Variants in SPDYE4 observed in about 807,000 individuals in gnomAD.
The protein encoded by SPDYE4 is speedy protein E4.
In SPDYE4, 30 loss-of-function variants were observed where a neutral mutation model predicts 37.5. The ratio of observed to expected loss-of-function variants is 0.80; its 90% CI spans 0.60 to 1.09. The LOEUF is 1.09. Among genes scored for constraint, SPDYE4 ranks in the 50% least tolerant of loss-of-function variants. SPDYE4 has a pLI of 0.00. For synonymous variants in SPDYE4, 131 were observed against 120.3 expected, an observed-to-expected ratio of 1.09 and a Z score of -0.58; for missense variants, 300 against 307.9, an observed-to-expected ratio of 0.97 and a Z score of 0.19.
downstream of SPDYE4, among the ~76,000 whole-genome samples, chr17:8,750,801 A>T (rs893000292): frequency 1.3e-5 from 2 of 152,264 alleles, no homozygotes; most frequent in African/African-American, 2.4e-5. Flanking sequence ...TTAAACAAAA[A>T]TGTCATTGGA....
intron 2 of SPDYE4, among the ~76,000 whole-genome samples, chr17:8,757,018 C>T (rs1475573886): frequency 6.6e-6 from 1 of 152,156 alleles, no homozygotes; most frequent in East Asian, 1.9e-4. Context: ...CCGCCTCAGC[C>T]TCCCAAAGCA....
downstream of SPDYE4, among the ~76,000 whole-genome samples, chr17:8,748,228 G>T (rs2086703489): frequency 6.6e-6 from 1 of 152,212 alleles, no homozygotes; most frequent in Admixed American, 6.5e-5. Context: ...GGATGTATTA[G>T]CTCCTAAGGG....
rs2086725179 is a variant in SPDYE4, at chr17:8,751,061, T to C, written c.*1221A>G. ...TCAACATCAAATAAAAATTTATTTT[T>C]ACAAGAATTTCGGGGAAATGCCACC... On this transcript the variant is annotated 3_prime_UTR_variant, in exon 7 of 7. Transcript: ENST00000689094. 6.6e-6 allele frequency among the ~76,000 whole-genome samples: 1 copy of C among 152,234 alleles called. No homozygotes were observed. The highest frequency in any genetic ancestry group is 1.5e-5 in the Non-Finnish European group (1 of 68,044).
rs1358687081 is a variant in SPDYE4, at chr17:8,754,019, T to G, written c.486-530A>C. 2.0e-5 allele frequency among the ~76,000 whole-genome samples: 3 copies of G among 152,162 alleles called. No homozygotes were observed. The East Asian group carries it at 5.8e-4, about 29-fold the overall frequency. ...GACTGGTGTGTTTCTGTAAATCATCTCTCACCTACCAAAAGGCCACTAGAG... is the reference window on the plus strand; with the variant it reads ...GACTGGTGTGTTTCTGTAAATCATCGCTCACCTACCAAAAGGCCACTAGAG... On this transcript the variant is annotated intron_variant, in intron 4 of 6. Transcript: ENST00000689094.
intron 6 of SPDYE4, 106 bp downstream of exon 6, chr17:8,752,988 G>A: frequency 1.0e-6 from 1 of 985,398 alleles, no homozygotes; most frequent in South Asian, 1.5e-5. Flanking sequence ...TGGAGACGGG[G>A]TGTCGCCATG....
chr17:8,753,718 T>C (rs982839813), intron 4 of SPDYE4, among the ~76,000 whole-genome samples: 25 of 152,134 alleles, frequency 1.6e-4, no homozygotes, highest in Non-Finnish European at 2.8e-4. Flanking sequence ...GAGTGGTGGC[T>C]CTTGCTTGGA....
chr17:8,750,849 G>A (rs552526591), downstream of SPDYE4, among the ~76,000 whole-genome samples: 3 of 152,330 alleles, frequency 2.0e-5, no homozygotes, highest in East Asian at 3.9e-4. Flanking sequence ...GGTCACAGTC[G>A]TTGTGAAGAT....
chr17:8,756,543 T>C (rs2086774201), intron 2 of SPDYE4, 107 bp from the exon 3 acceptor site: 3 of 1,098,600 alleles, frequency 2.7e-6, no homozygotes, highest in Non-Finnish European at 4.1e-6. Context: ...CTCAGGATTG[T>C]GGCCAAGGCT....
At chr17:8,758,243 C>T (rs2086791131) in intron 1 of SPDYE4, 31 bp downstream of exon 1, 1 of 1,484,184 alleles carries the variant, frequency 6.7e-7, no homozygotes, top group African/African-American at 1.4e-5. Context: ...AGTCAATCAT[C>T]TCCCATCGCT....
At position 8,753,226 on chromosome 17, in the gene SPDYE4, C is replaced by T. The variant is rs868253554; in HGVS notation, c.655-29G>A. On this transcript the variant is annotated intron_variant, in intron 5 of 6. Transcript: ENST00000689094. The stretch of plus-strand genomic sequence containing the variant: ...GAAAAACACACACCACTTGAGAAGC[C>T]AGGGATTCCCCAGGAAGCCCCCTCT... 2.5e-6 allele frequency: 4 copies of T among 1,613,992 alleles called. No individual in the cohort carries two copies. In the Middle Eastern group the frequency reaches 6.6e-4, roughly 266 times the overall value.
intron 3 of SPDYE4, among the ~76,000 whole-genome samples, chr17:8,755,936 G>C (rs946898267): frequency 2.6e-5 from 4 of 152,064 alleles, no homozygotes; most frequent in Non-Finnish European, 5.9e-5. Flanking sequence ...AGAGGATAGG[G>C]GTCAGGAGTT....
Position 8,755,608 on chromosome 17 carries a change from G to T in SPDYE4, c.400-3C>A. On this transcript the variant is annotated splice_region_variant and splice_polypyrimidine_tract_variant and intron_variant, in intron 3 of 6. Transcript: ENST00000689094. Reference sequence around the variant, plus strand: ...GCTATGACCATAGCCAGGAGATACTGATGGAGAGAAGGGAGTAGAGAGAGA... The same window carrying T: ...GCTATGACCATAGCCAGGAGATACTTATGGAGAGAAGGGAGTAGAGAGAGA... 1 of 1,612,536 alleles carries T rather than the reference G, an allele frequency of 6.2e-7. No homozygotes were observed. The highest frequency in any genetic ancestry group is 8.5e-7 in the Non-Finnish European group (1 of 1,178,976).
At chr17:8,757,615 A>G (rs1219518149) in intron 1 of SPDYE4, 123 bp from the exon 2 acceptor site, 3 of 1,004,930 alleles carry the variant, frequency 3.0e-6, no homozygotes, top group Non-Finnish European at 4.3e-6. Flanking sequence ...AGCTTCTCCA[A>G]GCCATGTTTC....
intron 2 of SPDYE4, 126 bp from the exon 3 acceptor site, chr17:8,756,562 T>A (rs943129081): frequency 1.2e-6 from 1 of 863,052 alleles, no homozygotes; most frequent in African/African-American, 1.7e-5. Flanking sequence ...CTTAGGTGGA[T>A]GGGAGAGGAG....
At chr17:8,756,463 T>A in intron 2 of SPDYE4, 27 bp from the exon 3 acceptor site, 1 of 1,611,460 alleles carries the variant, frequency 6.2e-7, no homozygotes, top group Non-Finnish European at 8.5e-7. Context: ...TGTGTCAGGG[T>A]GAGAAGTGGA....
At position 8,750,932 on chromosome 17, in the gene SPDYE4, G is replaced by A. The variant is rs1244278510; in HGVS notation, c.*1350C>T. 2.0e-5 allele frequency among the ~76,000 whole-genome samples: 3 copies of A among 152,180 alleles called. No individual in the cohort carries two copies. The highest frequency in any genetic ancestry group is 4.4e-5 in the Non-Finnish European group (3 of 68,034). On this transcript the variant is annotated 3_prime_UTR_variant, in exon 7 of 7. Coordinates refer to ENST00000689094, the MANE Select transcript of SPDYE4 (RefSeq NM_001394956.1). Reference sequence around the variant, plus strand: ...GTCCTCTTTGAAACACACAGCTCCTGTCCTCCTTTCAAACACATGTCCTCT... The same window carrying A: ...GTCCTCTTTGAAACACACAGCTCCTATCCTCCTTTCAAACACATGTCCTCT...
rs143091166 is a variant in SPDYE4 at position 8,755,068 on chromosome 17, C to T, written c.485+452G>A. On this transcript the variant is annotated intron_variant, in intron 4 of 6. Transcript: ENST00000689094. ...AGCTATTCAGGCAGCACTAGGAAGC[C>T]CCCTGGCTTGGGGCAGGACTCGCAG... 5.3e-4 allele frequency among the ~76,000 whole-genome samples: 81 copies of T among 152,276 alleles called. No individual in the cohort carries two copies. The East Asian group carries it at 0.014, about 26-fold the overall frequency.
At chr17:8,749,096 A>AT (rs2086709288), downstream of SPDYE4, among the ~76,000 whole-genome samples, 1 of 65,078 alleles carries the variant, frequency 1.5e-5, no homozygotes, top group East Asian at 3.1e-4. Context: ...GAATGTTTTG[A>AT]ATTTTTTTTT....
At chr17:8,752,891 G>A (rs1184951008) in intron 6 of SPDYE4, among the ~76,000 whole-genome samples, 1 of 152,102 alleles carries the variant, frequency 6.6e-6, no homozygotes, top group Non-Finnish European at 1.5e-5. Flanking sequence ...CGACCTCCGG[G>A]GCTCTGGTGT....
Sources: gnomAD v4.1 joint callset for allele counts (sites outside exome capture counted in the v4.1 genomes callset) on GRCh38, gnomAD v4.1.1 for gene constraint, MANE v1.5 for transcripts, NCBI Gene and HGNC (gene_info 2026-07-23, HGNC 2026-07-21) for gene names.